IQCM: variants seen among roughly 807,000 people sequenced by gnomAD.
The protein encoded by IQCM is IQ motif containing M.
IQCM carries 45 observed loss-of-function variants against 57.6 expected under a neutral mutation model. The observed-to-expected ratio is 0.78, with a 90% CI of 0.62 to 1.00. IQCM has a LOEUF of 1.00. Ranked by LOEUF, IQCM falls within the 50% of genes least tolerant of loss-of-function variation. The probability of loss-of-function intolerance (pLI) is 0.00; values close to 1 mark genes in which losing one functional copy is unlikely to be tolerated. For missense variants in IQCM, 468 were observed against 511.6 expected, an observed-to-expected ratio of 0.91 and a Z score of 0.82; for synonymous variants, 148 against 158.9, an observed-to-expected ratio of 0.93 and a Z score of 0.51.
At chr4:149,706,434 G>A (rs1764165322) in intron 5 of IQCM, among the ~76,000 whole-genome samples, 1 of 151,908 alleles carries the variant, frequency 6.6e-6, no homozygotes, top group Admixed American at 6.6e-5. Context: ...TGTCTAGATG[G>A]CTGTGCTTTC....
At chr4:149,593,333 C>T (rs1579619641) in intron 8 of IQCM, among the ~76,000 whole-genome samples, 1 of 151,930 alleles carries the variant, frequency 6.6e-6, no homozygotes, top group Non-Finnish European at 1.5e-5. Flanking sequence ...CTGAAGTTGC[C>T]TACCAGCTTA....
At chr4:149,394,282 CTT>C (rs1233088033) in intron 13 of IQCM, among the ~76,000 whole-genome samples, 2 of 151,784 alleles carry the variant, frequency 1.3e-5, no homozygotes, top group Non-Finnish European at 2.9e-5. Flanking sequence ...ATAATCTTCT[CTT>C]CATTTTTTGA....
intron 13 of IQCM, among the ~76,000 whole-genome samples, chr4:149,394,797 T>C (rs1346099151): frequency 6.6e-6 from 1 of 152,018 alleles, no homozygotes. Flanking sequence ...TTTACTATAG[T>C]TTTGTATATC....
intron 8 of IQCM, among the ~76,000 whole-genome samples, chr4:149,614,387 G>C (rs191238701): frequency 6.6e-6 from 1 of 152,098 alleles, no homozygotes; most frequent in Non-Finnish European, 1.5e-5. Context: ...ATAGGTCCTT[G>C]CTTATCTCTT....
chr4:149,444,491 A>G (rs1367482349), intron 12 of IQCM, among the ~76,000 whole-genome samples: 2 of 151,886 alleles, frequency 1.3e-5, no homozygotes, highest in East Asian at 3.9e-4. Context: ...GTTTCTTCTA[A>G]AAGAGCAAGA....
intron 13 of IQCM, among the ~76,000 whole-genome samples, chr4:149,363,800 T>C (rs781441967): frequency 1.3e-5 from 2 of 152,218 alleles, no homozygotes; most frequent in Non-Finnish European, 1.5e-5. Flanking sequence ...TAAACATAGC[T>C]ACTTAAATTG....
chr4:149,786,258 G>A (rs1474446078), intron 2 of IQCM, among the ~76,000 whole-genome samples: 4 of 152,194 alleles, frequency 2.6e-5, no homozygotes, highest in African/African-American at 9.7e-5. Flanking sequence ...AGGAAGCCAG[G>A]TGGAGCCAGG....
At chr4:149,559,043 C>A (rs111629016) in intron 10 of IQCM, among the ~76,000 whole-genome samples, 20 of 152,212 alleles carry the variant, frequency 1.3e-4, no homozygotes, top group African/African-American at 4.8e-4. Flanking sequence ...AACCATACAC[C>A]AGATTGCTCA....
intron 12 of IQCM, among the ~76,000 whole-genome samples, chr4:149,542,518 A>G (rs1162516999): frequency 6.6e-6 from 1 of 152,082 alleles, no homozygotes; most frequent in African/African-American, 2.4e-5. Context: ...CAATGAGCTT[A>G]GAAAAGTCTC....
intron 7 of IQCM, among the ~76,000 whole-genome samples, chr4:149,646,103 G>C (rs777247890): frequency 1.2e-3 from 184 of 152,052 alleles, no homozygotes; most frequent in Non-Finnish European, 2.0e-3. Context: ...GGGGAGAAGG[G>C]GTCTAAGTTT....
chr4:149,588,571 G>A (rs1057326590), intron 8 of IQCM, among the ~76,000 whole-genome samples: 1 of 151,784 alleles, frequency 6.6e-6, no homozygotes, highest in African/African-American at 2.4e-5. Context: ...GCTGAATGAG[G>A]TCAAAAGGGC....
chr4:149,725,693 G>C (rs540757205), intron 5 of IQCM, among the ~76,000 whole-genome samples: 5 of 151,964 alleles, frequency 3.3e-5, no homozygotes, highest in Admixed American at 3.3e-4. Flanking sequence ...CCCCAAAAGA[G>C]ACTATCATTA....
chr4:149,691,143 T>A (rs1561161675), intron 5 of IQCM, among the ~76,000 whole-genome samples: 1 of 152,198 alleles, frequency 6.6e-6, no homozygotes. Flanking sequence ...AATTGCTATA[T>A]ATGGATTATC....
At chr4:149,582,883 G>C (rs1752337921) in intron 9 of IQCM, among the ~76,000 whole-genome samples, 1 of 151,034 alleles carries the variant, frequency 6.6e-6, no homozygotes. Context: ...TTTTAAGATT[G>C]TTTTGAGATA....
intron 7 of IQCM, among the ~76,000 whole-genome samples, chr4:149,648,306 A>T (rs2359577): frequency 0.21 from 32,212 of 152,036 alleles, 4,264 homozygotes; most frequent in Non-Finnish European, 0.28. Context: ...TCTTTAAAAA[A>T]CAATTTGTGG....
intron 8 of IQCM, among the ~76,000 whole-genome samples, chr4:149,615,046 G>T (rs1755665228): frequency 1.3e-5 from 2 of 152,122 alleles, no homozygotes; most frequent in Admixed American, 6.5e-5. Flanking sequence ...GCCAATATTT[G>T]TTTCTATCCT....
intron 8 of IQCM, among the ~76,000 whole-genome samples, chr4:149,606,374 C>A (rs1234680012): frequency 6.6e-6 from 1 of 152,112 alleles, no homozygotes; most frequent in African/African-American, 2.4e-5. Flanking sequence ...GCCGCAGTGA[C>A]CACAGCCTTA....
chr4:149,675,803 C>T (rs1397908446), intron 7 of IQCM, among the ~76,000 whole-genome samples: 1 of 151,906 alleles, frequency 6.6e-6, no homozygotes, highest in Non-Finnish European at 1.5e-5. Context: ...CTCTCTCCTG[C>T]CAATGACTAT....
chr4:149,556,355 T>C (rs1255018121), intron 10 of IQCM, among the ~76,000 whole-genome samples: 1 of 151,954 alleles, frequency 6.6e-6, no homozygotes, highest in East Asian at 1.9e-4. Flanking sequence ...CGCCATCACA[T>C]GACCCTTAGT....
Sources: allele counts gnomAD v4.1 joint callset (sites outside exome capture counted in the v4.1 genomes callset), GRCh38; gene constraint gnomAD v4.1.1; transcripts MANE v1.5; gene names NCBI Gene and HGNC (gene_info 2026-07-23, HGNC 2026-07-21).